Variants in THADA observed in about 807,000 individuals in gnomAD.
The protein encoded by THADA is THADA armadillo repeat containing, also known as tRNA (32-2'-O)-methyltransferase regulator THADA.
Under a neutral mutation model 219.8 loss-of-function variants are expected in THADA, and 213 were observed. That is an observed-to-expected ratio of 0.97 (90% CI 0.87 to 1.09). THADA has a LOEUF of 1.09. Ranked by LOEUF, THADA falls within the 50% of genes least tolerant of loss-of-function variation. The pLI is 0.00. For missense variants in THADA, 2,956 were observed against 2,311.3 expected (o/e 1.28, Z -5.72); for synonymous variants, 1,018 against 828.9 (o/e 1.23, Z -3.92).
At chr2:43,481,196 C>T (rs555959387) in intron 26 of THADA, among the ~76,000 whole-genome samples, 75 of 152,280 alleles carry the variant, frequency 4.9e-4, no homozygotes, top group African/African-American at 1.8e-3. Context: ...TCCAGACCTA[C>T]ACCACTAAAA....
At chr2:43,400,093 T>C (rs992267883) in intron 28 of THADA, among the ~76,000 whole-genome samples, 1 of 152,160 alleles carries the variant, frequency 6.6e-6, no homozygotes, top group South Asian at 2.1e-4. Flanking sequence ...AACTCTGACA[T>C]GGTTACAGAT....
chr2:43,416,794 C>G (rs879666580), intron 28 of THADA, among the ~76,000 whole-genome samples: 2 of 152,130 alleles, frequency 1.3e-5, no homozygotes, highest in African/African-American at 2.4e-5. Context: ...ACTTCAGAGG[C>G]CTTGGAGTAC....
chr2:43,570,359 ACT>A, intron 14 of THADA, 27 bp downstream of exon 14: 3 of 1,566,640 alleles, frequency 1.9e-6, no homozygotes, highest in Non-Finnish European at 1.7e-6. Flanking sequence ...TTAAAAAAAA[ACT>A]CTCATGTTTA....
intron 25 of THADA, chr2:43,486,377 G>C (rs1261932878): frequency 6.6e-6 from 1 of 152,074 alleles, no homozygotes; most frequent in Admixed American, 6.6e-5. Flanking sequence ...GACTGTTTTG[G>C]CACTATAGGC....
chr2:43,574,041 T>G (rs1699576759), intron 11 of THADA, among the ~76,000 whole-genome samples: 1 of 130,038 alleles, frequency 7.7e-6, no homozygotes, highest in African/African-American at 3.2e-5. Flanking sequence ...TTTATTTCAG[T>G]GATACAATAA....
In THADA at chr2:43,498,930, G is replaced by A. The variant is rs1016915211; in HGVS notation, c.3647C>T (p.Ala1216Val). The A allele has an allele frequency of 4.4e-6, 7 of 1,580,402 alleles. No homozygotes were observed. Among genetic ancestry groups the A allele is most frequent in the African/African-American group, 1.3e-5 (1 of 74,314 alleles). The stretch of plus-strand genomic sequence containing the variant: ...TCCCAGGCGCGTATCTCTGAACAAT[G>A]CTCTAAGGATATTTAAAGCATGAAC... ...PQVHALNILR[A>V]LFRDTRLGEN... The change falls in exon 25 of 38, where the codon GCA becomes GTA. Residue 1216 changes from alanine (A) to valine (V), a missense_variant. Coordinates refer to ENST00000405975, the MANE Select transcript of THADA (RefSeq NM_022065.5).
At chr2:43,538,717 G>C (rs980736331) in intron 21 of THADA, among the ~76,000 whole-genome samples, 2 of 152,164 alleles carry the variant, frequency 1.3e-5, no homozygotes, top group Non-Finnish European at 2.9e-5. Context: ...TTGCAATCTT[G>C]GGCAAACCAG....
intron 36 of THADA, among the ~76,000 whole-genome samples, chr2:43,239,174 C>T (rs995175944): frequency 2.1e-4 from 32 of 152,230 alleles, no homozygotes; most frequent in Non-Finnish European, 3.8e-4. Context: ...GGATAACTCA[C>T]TGGGACTGCA....
chr2:43,248,182 G>GAGAGAGAGAGAGAGAC, intron 36 of THADA, among the ~76,000 whole-genome samples: 1 of 107,656 alleles, frequency 9.3e-6, no homozygotes, highest in South Asian at 2.8e-4. Context: ...GAGAGAGAGA[G>GAGAGAGAGAGAGAGAC]AGAGAGAGAG....
In THADA at chr2:43,390,329, C is replaced by T. The variant is rs566983516; in HGVS notation, c.4227+7642G>A. On this transcript the variant is annotated intron_variant, in intron 29 of 37. Coordinates refer to ENST00000405975, the MANE Select transcript of THADA (RefSeq NM_022065.5). The stretch of plus-strand genomic sequence containing the variant: ...CCTGGCCTTGTTTATCCACTACTGC[C>T]CACTCTGTTGGCACTTTCCTATGGG... 2.6e-5 allele frequency among the ~76,000 whole-genome samples: 4 copies of T among 152,244 alleles called. No individual in the cohort carries two copies. The South Asian group carries it at 8.3e-4, about 32-fold the overall frequency.
intron 36 of THADA, among the ~76,000 whole-genome samples, chr2:43,273,270 C>CAAA (rs978782406): frequency 1.3e-3 from 149 of 115,604 alleles, no homozygotes; most frequent in Middle Eastern, 9.5e-3. Context: ...ACAACAACAA[C>CAAA]AAAAAAAAAA....
intron 26 of THADA, among the ~76,000 whole-genome samples, chr2:43,457,133 T>TAC (rs35803641): frequency 0.029 from 3,638 of 126,108 alleles, 75 homozygotes; most frequent in East Asian, 0.12. Context: ...TTAGGATATC[T>TAC]ACACACACAC....
intron 34 of THADA, among the ~76,000 whole-genome samples, chr2:43,288,347 G>A (rs962445553): frequency 6.6e-6 from 1 of 152,212 alleles, no homozygotes; most frequent in Non-Finnish European, 1.5e-5. Flanking sequence ...GAAGCCAGGG[G>A]GCGGAGGCTG....
chr2:43,532,292 A>G (rs868849010), intron 21 of THADA, among the ~76,000 whole-genome samples: 6 of 151,652 alleles, frequency 4.0e-5, no homozygotes, highest in Middle Eastern at 6.8e-3. Context: ...ATGCGCCTGT[A>G]GTCCCAGCTA....
chr2:43,248,838 T>A (rs1669530460), intron 36 of THADA, among the ~76,000 whole-genome samples: 1 of 152,232 alleles, frequency 6.6e-6, no homozygotes, highest in Non-Finnish European at 1.5e-5. Context: ...CCAGTCTGAC[T>A]GGGCTCTCTC....
At chr2:43,542,386 G>A (rs556642186) in intron 20 of THADA, among the ~76,000 whole-genome samples, 17 of 152,124 alleles carry the variant, frequency 1.1e-4, no homozygotes, top group Non-Finnish European at 2.5e-4. Context: ...TATTACAATA[G>A]GCTATAATTA....
intron 25 of THADA, among the ~76,000 whole-genome samples, chr2:43,489,096 CTGTG>C (rs1687279705): frequency 6.6e-6 from 1 of 152,166 alleles, no homozygotes; most frequent in African/African-American, 2.4e-5. Flanking sequence ...TTCTCCCATT[CTGTG>C]GGTTGTCTTT....
intron 28 of THADA, among the ~76,000 whole-genome samples, chr2:43,421,518 C>G (rs752155158): frequency 1.3e-5 from 2 of 152,182 alleles, no homozygotes; most frequent in Non-Finnish European, 2.9e-5. Flanking sequence ...CCTGTACTCT[C>G]TCTCCAGGCA....
At chr2:43,241,758 C>A (rs1056740088) in intron 36 of THADA, among the ~76,000 whole-genome samples, 5 of 152,006 alleles carry the variant, frequency 3.3e-5, no homozygotes, top group African/African-American at 1.2e-4. Flanking sequence ...AGCCTGGGAC[C>A]GCCCTACTGC....
Sources: gnomAD v4.1 joint callset for allele counts (sites outside exome capture counted in the v4.1 genomes callset) on GRCh38, gnomAD v4.1.1 for gene constraint, MANE v1.5 for transcripts, NCBI Gene and HGNC (gene_info 2026-07-23, HGNC 2026-07-21) for gene names.